The following DDX50 variants were observed in gnomAD, a reference collection of about 807,000 sequenced individuals.
DDX50 encodes ATP-dependent RNA helicase DDX50.
Under a neutral mutation model 94.8 loss-of-function variants are expected in DDX50, and 56 were observed. The ratio of observed to expected loss-of-function variants is 0.59; its 90% CI spans 0.48 to 0.74. DDX50 has a LOEUF of 0.74. DDX50 is among the 30% of genes least tolerant of loss of function. The pLI is 0.00. For missense variants in DDX50, 713 were observed against 881.2 expected, an observed-to-expected ratio of 0.81 and a Z score of 2.42; for synonymous variants, 264 against 295.4, an observed-to-expected ratio of 0.89 and a Z score of 1.09.
chr10:68,925,057 C>G (rs1431926167), intron 8 of DDX50, among the ~76,000 whole-genome samples: 1 of 150,546 alleles, frequency 6.6e-6, no homozygotes, highest in Non-Finnish European at 1.5e-5. Flanking sequence ...TAGCAAATTC[C>G]CCCACGTAGA....
intron 14 of DDX50, 120 bp from the exon 15 acceptor site, chr10:68,946,232 C>T (rs958009566): frequency 1.7e-5 from 21 of 1,239,216 alleles, no homozygotes; most frequent in Non-Finnish European, 2.1e-5. Context: ...GTTCCAGATA[C>T]GTTAACAGAA....
intron 8 of DDX50, among the ~76,000 whole-genome samples, chr10:68,926,526 G>A (rs578045224): frequency 1.3e-5 from 2 of 152,142 alleles, no homozygotes; most frequent in Non-Finnish European, 2.9e-5. Flanking sequence ...TACAGAATCT[G>A]AATAGTTTTT....
intron 1 of DDX50, 108 bp downstream of exon 1, chr10:68,901,579 A>T: frequency 2.5e-6 from 3 of 1,199,252 alleles, no homozygotes; most frequent in Non-Finnish European, 3.4e-6. Flanking sequence ...GGAGCATCCG[A>T]GGGCCTCCCT....
At chr10:68,904,546 T>C (rs1380170616) in intron 1 of DDX50, among the ~76,000 whole-genome samples, 1 of 152,048 alleles carries the variant, frequency 6.6e-6, no homozygotes, top group East Asian at 1.9e-4. Context: ...AGAAGATATG[T>C]GGTAGAGGTA....
At chr10:68,935,538 G>GA (rs1368868251) in intron 10 of DDX50, among the ~76,000 whole-genome samples, 10 of 151,458 alleles carry the variant, frequency 6.6e-5, no homozygotes, top group African/African-American at 9.7e-5. Flanking sequence ...TGATTTATGA[G>GA]AAAAAAAAGA....
In DDX50 at chr10:68,913,477, T is replaced by A; in HGVS notation, c.844T>A (p.Ser282Thr). Residue 282 changes from serine (S) to threonine (T), a missense_variant, in exon 6 of 15, where the codon TCT becomes ACT. Physicochemically the swap from Ser to Thr is moderately conservative, Grantham distance 58. Coordinates refer to ENST00000373585, the MANE Select transcript of DDX50 (RefSeq NM_024045.2). ...DHLQSGRLDLSKLRHVVLDEV... is the reference protein window; with the variant it reads ...DHLQSGRLDLTKLRHVVLDEV... ...TCTGCAGAGTGGCCGATTGGATCTTTCTAAACTGCGACATGTTGTGCTTGA... is the reference window on the plus strand; with the variant it reads ...TCTGCAGAGTGGCCGATTGGATCTTACTAAACTGCGACATGTTGTGCTTGA... 6.2e-7 allele frequency: 1 copy of A among 1,614,190 alleles called. No individual in the cohort carries two copies. Among genetic ancestry groups the A allele is most frequent in the South Asian group, 1.1e-5 (1 of 91,086 alleles).
intron 13 of DDX50, 118 bp from the exon 14 acceptor site, chr10:68,943,095 T>C: frequency 1.2e-6 from 1 of 858,476 alleles, no homozygotes; most frequent in East Asian, 2.5e-5. Flanking sequence ...TGTGTTTAGT[T>C]ACTTTTTAAA....
rs34542931 is a variant in DDX50, at chr10:68,915,020, C to CA, written c.1089+833dup. ...TGGGTGACAGAGGGAGACCCTGTCT[C>CA]AAAAAAAAAAAAAAAAACCACAGAA... On this transcript the variant is annotated intron_variant, in intron 7 of 14. Transcript: ENST00000373585. Among the ~76,000 whole-genome samples the CA allele has an allele frequency of 7.0e-3, 787 of 112,530 alleles. 6 individuals are homozygous for CA. The highest frequency in any genetic ancestry group is 0.018 in the African/African-American group (537 of 29,624). The allele number at this position is 112,530 out of a possible 152,430, so 73.8% of individuals were successfully genotyped here.
intron 12 of DDX50, among the ~76,000 whole-genome samples, chr10:68,940,765 T>C (rs1842536278): frequency 6.6e-6 from 1 of 152,158 alleles, no homozygotes; most frequent in Non-Finnish European, 1.5e-5. Flanking sequence ...ATTTCCTTAA[T>C]TCTTCACTAC....
intron 2 of DDX50, among the ~76,000 whole-genome samples, chr10:68,909,407 G>A (rs1297632784): frequency 2.6e-5 from 4 of 152,082 alleles, no homozygotes; most frequent in Admixed American, 1.3e-4. Flanking sequence ...TCAAGCTTAC[G>A]GTAACTTTCT....
At chr10:68,905,533 T>C (rs1841421441) in intron 1 of DDX50, among the ~76,000 whole-genome samples, 7 of 152,234 alleles carry the variant, frequency 4.6e-5, no homozygotes, top group African/African-American at 7.2e-5. Context: ...ATTCAGTTTC[T>C]AGTACTTATA....
chr10:68,936,362 G>A (rs997674470), intron 11 of DDX50, among the ~76,000 whole-genome samples: 11 of 150,422 alleles, frequency 7.3e-5, no homozygotes, highest in Admixed American at 1.3e-4. Flanking sequence ...GGTGGTGGGC[G>A]CCTGTAGTCC....
intron 12 of DDX50, among the ~76,000 whole-genome samples, chr10:68,940,120 G>A (rs1219496400): frequency 1.3e-5 from 2 of 152,072 alleles, no homozygotes; most frequent in East Asian, 3.9e-4. Flanking sequence ...CAGGCATGGT[G>A]GCTTATGCCT....
At chr10:68,912,637 G>A (rs1841663527) in intron 4 of DDX50, among the ~76,000 whole-genome samples, 1 of 152,208 alleles carries the variant, frequency 6.6e-6, no homozygotes, top group Non-Finnish European at 1.5e-5. Flanking sequence ...TCTCATTTAC[G>A]AAAATGGTGG....
intron 7 of DDX50, among the ~76,000 whole-genome samples, chr10:68,917,402 T>C (rs1841827082): frequency 6.6e-6 from 1 of 152,142 alleles, no homozygotes; most frequent in Non-Finnish European, 1.5e-5. Context: ...GAGGTTGCAG[T>C]GAGCTGAGAT....
chr10:68,932,118 G>A (rs944266083), intron 8 of DDX50, among the ~76,000 whole-genome samples: 18 of 152,152 alleles, frequency 1.2e-4, no homozygotes, highest in Non-Finnish European at 2.9e-5. Flanking sequence ...CTGTCAGCTG[G>A]TTGTCCCAGA....
chr10:68,904,221 G>A (rs1487986264), intron 1 of DDX50, among the ~76,000 whole-genome samples: 6 of 151,996 alleles, frequency 3.9e-5, no homozygotes, highest in Non-Finnish European at 8.8e-5. Flanking sequence ...TGAGGTGGGA[G>A]GATCACTTGA....
At chr10:68,914,558 G>C (rs997653868) in intron 7 of DDX50, among the ~76,000 whole-genome samples, 1 of 152,146 alleles carries the variant, frequency 6.6e-6, no homozygotes, top group African/African-American at 2.4e-5. Context: ...GAAAAGAATA[G>C]TGCGGAGATA....
chr10:68,904,100 C>T (rs1440791105), intron 1 of DDX50, among the ~76,000 whole-genome samples: 12 of 150,766 alleles, frequency 8.0e-5, no homozygotes, highest in East Asian at 5.8e-4. Flanking sequence ...GCCAAGATCA[C>T]GTCATTGCAC....
Sources: gnomAD v4.1 joint callset for allele counts (sites outside exome capture counted in the v4.1 genomes callset) on GRCh38, gnomAD v4.1.1 for gene constraint, MANE v1.5 for transcripts, NCBI Gene and HGNC (gene_info 2026-07-23, HGNC 2026-07-21) for gene names.